Variants in XPR1 observed in about 807,000 individuals in gnomAD.
The protein encoded by XPR1 is solute carrier family 53 member 1.
XPR1 carries 28 observed loss-of-function variants against 87.5 expected under a neutral mutation model. The ratio of observed to expected loss-of-function variants is 0.32; its 90% CI spans 0.24 to 0.44. XPR1 has a LOEUF of 0.44. Among genes scored for constraint, XPR1 ranks in the 20% least tolerant of loss-of-function variants. The pLI is 1.00. For synonymous variants in XPR1, 300 were observed against 306.1 expected, an observed-to-expected ratio of 0.98 and a Z score of 0.21; for missense variants, 559 against 862.3, an observed-to-expected ratio of 0.65 and a Z score of 4.41.
intron 1 of XPR1, 23 bp from the exon 2 acceptor site, chr1:180,682,336 AT>A (rs1356228558): frequency 4.2e-5 from 66 of 1,562,596 alleles, no homozygotes; most frequent in Non-Finnish European, 5.6e-5. Flanking sequence ...GATTTCATAT[AT>A]TGTTTTTCTT....
At chr1:180,806,336 A>ATT (rs139348916) in intron 5 of XPR1, 125 bp downstream of exon 5, 2 of 1,457,968 alleles carry the variant, frequency 1.4e-6, no homozygotes, top group African/African-American at 2.9e-5. Context: ...CTTACCTGTG[A>ATT]TTTTTTTTCA....
At chr1:180,686,767 T>C (rs1656795461) in intron 2 of XPR1, among the ~76,000 whole-genome samples, 1 of 152,208 alleles carries the variant, frequency 6.6e-6, no homozygotes, top group Non-Finnish European at 1.5e-5. Context: ...GACTTGTTCT[T>C]ATGACAAAAG....
At chr1:180,714,959 A>C (rs1657938092) in intron 2 of XPR1, among the ~76,000 whole-genome samples, 1 of 152,206 alleles carries the variant, frequency 6.6e-6, no homozygotes, top group Admixed American at 6.5e-5. Context: ...GAATCCAAGA[A>C]GCTAAGATGG....
chr1:180,882,407 A>G (rs2102229064), intron 14 of XPR1, among the ~76,000 whole-genome samples: 1 of 152,280 alleles, frequency 6.6e-6, no homozygotes, highest in African/African-American at 2.4e-5. Context: ...AGGTTGGCTC[A>G]ATGCAGCAGC....
At chr1:180,659,374 TCCTTCCG>T in intron 1 of XPR1, among the ~76,000 whole-genome samples, 2 of 98,686 alleles carry the variant, frequency 2.0e-5, no homozygotes, top group African/African-American at 4.1e-5. Context: ...CTTCCGTCCG[TCCTTCCG>T]TCCTTCCTTC....
At chr1:180,770,316 T>A (rs955683068) in intron 2 of XPR1, among the ~76,000 whole-genome samples, 3 of 152,148 alleles carry the variant, frequency 2.0e-5, no homozygotes, top group African/African-American at 7.2e-5. Flanking sequence ...AAGATCAGAG[T>A]GCCAGCATGG....
rs1009455023 is a variant in XPR1, at chr1:180,769,373, T to A, written c.122-18380T>A. On this transcript the variant is annotated intron_variant, in intron 2 of 14. Coordinates refer to ENST00000367590, the MANE Select transcript of XPR1 (RefSeq NM_004736.4). ...TATTCATTATTTCTGTTTTTTTGTG[T>A]TTTTTTTTTTTGTATCAGTTAACCA... 4.5e-5 allele frequency among the ~76,000 whole-genome samples: 6 copies of A among 132,218 alleles called. No individual in the cohort carries two copies. In the East Asian group the frequency reaches 1.2e-3, roughly 26 times the overall value. The allele number at this position is 132,218 out of a possible 152,430, so 86.7% of individuals were successfully genotyped here.
At chr1:180,650,822 T>C (rs1219716633) in intron 1 of XPR1, among the ~76,000 whole-genome samples, 1 of 152,206 alleles carries the variant, frequency 6.6e-6, no homozygotes, top group Admixed American at 6.5e-5. Flanking sequence ...TTAGTTTTCT[T>C]GTATATAAAA....
intron 4 of XPR1, among the ~76,000 whole-genome samples, chr1:180,804,235 C>T (rs983363381): frequency 3.9e-5 from 6 of 152,188 alleles, no homozygotes; most frequent in Non-Finnish European, 7.3e-5. Flanking sequence ...CCTCAGCCTC[C>T]CGAGTGCTGG....
intron 4 of XPR1, among the ~76,000 whole-genome samples, chr1:180,804,363 A>G (rs1195352910): frequency 6.6e-6 from 1 of 152,234 alleles, no homozygotes; most frequent in Non-Finnish European, 1.5e-5. Flanking sequence ...TGACACTAAT[A>G]AAACAAAGAC....
At chr1:180,783,870 C>T (rs1649035839) in intron 2 of XPR1, among the ~76,000 whole-genome samples, 1 of 151,864 alleles carries the variant, frequency 6.6e-6, no homozygotes, top group Admixed American at 6.6e-5. Flanking sequence ...GCCTGACCAA[C>T]ATGGCGAAAC....
intron 9 of XPR1, 54 bp downstream of exon 9, chr1:180,825,398 T>C: frequency 1.3e-6 from 2 of 1,536,446 alleles, no homozygotes; most frequent in South Asian, 2.5e-5. Context: ...GTTATTGACT[T>C]CCTCTAAGAT....
At chr1:180,883,115 A>G (rs910212874) in intron 14 of XPR1, among the ~76,000 whole-genome samples, 2 of 135,272 alleles carry the variant, frequency 1.5e-5, no homozygotes, top group African/African-American at 5.6e-5. Context: ...GGTTTGCACT[A>G]TCATACCTGG....
chr1:180,736,675 A>C (rs1284203372), intron 2 of XPR1, among the ~76,000 whole-genome samples: 1 of 152,212 alleles, frequency 6.6e-6, no homozygotes, highest in Non-Finnish European at 1.5e-5. Context: ...TGACTTTATA[A>C]GGAGACATCA....
chr1:180,851,586 C>A (rs116688930), intron 11 of XPR1, among the ~76,000 whole-genome samples: 3,429 of 152,254 alleles, frequency 0.023, 66 homozygotes, highest in Middle Eastern at 0.092. Flanking sequence ...TTTGCTTATT[C>A]CAAAGTCTTA....
intron 2 of XPR1, among the ~76,000 whole-genome samples, chr1:180,770,206 G>C (rs559754642): frequency 1.3e-5 from 2 of 152,092 alleles, no homozygotes; most frequent in African/African-American, 4.8e-5. Flanking sequence ...CATGTTTAAA[G>C]AGATGATGTT....
chr1:180,834,234 A>G (rs941591639), intron 9 of XPR1, among the ~76,000 whole-genome samples: 1 of 152,064 alleles, frequency 6.6e-6, no homozygotes, highest in African/African-American at 2.4e-5. Flanking sequence ...GGTGGCCACT[A>G]CCATGCCCGG....
intron 2 of XPR1, among the ~76,000 whole-genome samples, chr1:180,718,190 T>C (rs1407958013): frequency 6.6e-6 from 1 of 152,196 alleles, no homozygotes; most frequent in Non-Finnish European, 1.5e-5. Context: ...ATAGGTGCTG[T>C]GTTTTTAAAA....
Position 180,887,094 on chromosome 1 carries a change from C to G in XPR1, c.*3028C>G, listed in dbSNP as rs1373050043. ...GACTGAGGCAGGAGAATTGCTTAAA[C>G]CTGGGAAGCAGAGGTTGCAGTGAGA... On this transcript the variant is annotated 3_prime_UTR_variant, in exon 15 of 15. Coordinates refer to ENST00000367590, the MANE Select transcript of XPR1 (RefSeq NM_004736.4). 2 of 152,256 alleles carry G rather than the reference C, an allele frequency of 1.3e-5. No individual in the cohort carries two copies. The highest frequency in any genetic ancestry group is 2.9e-5 in the Non-Finnish European group (2 of 68,086). The allele number at this position is 152,256 out of a possible 1,614,324, so 9.4% of individuals were successfully genotyped here. A position where few individuals can be genotyped will look rare whatever the true frequency, so the allele number is the denominator to read the frequency against.
Sources: gnomAD v4.1 joint callset for allele counts (sites outside exome capture counted in the v4.1 genomes callset) on GRCh38, gnomAD v4.1.1 for gene constraint, MANE v1.5 for transcripts, NCBI Gene and HGNC (gene_info 2026-07-23, HGNC 2026-07-21) for gene names.